Variants in ALK observed in about 807,000 individuals in gnomAD.
ALK encodes ALK tyrosine kinase receptor.
A neutral mutation model predicts 163.1 loss-of-function variants in ALK; 74 were observed. The observed-to-expected ratio is 0.45, with a 90% CI of 0.38 to 0.55. The LOEUF (loss-of-function observed/expected upper bound fraction) is 0.55. ALK is among the 20% of genes least tolerant of loss of function. ALK has a pLI of 0.00. For synonymous variants in ALK, 960 were observed against 843.2 expected (o/e 1.14, Z -2.40); for missense variants, 2,063 against 2,105.3 (o/e 0.98, Z 0.39).
At chr2:29,225,380 G>T (rs2148176092) in intron 19 of ALK, 81 bp downstream of exon 19, 1 of 1,259,408 alleles carries the variant, frequency 7.9e-7, no homozygotes, top group Non-Finnish European at 1.1e-6. Context: ...GTGACACCTT[G>T]GCACCTGTGG....
intron 5 of ALK, among the ~76,000 whole-genome samples, chr2:29,354,069 GC>G (rs1359769420): frequency 1.3e-5 from 2 of 152,184 alleles, no homozygotes; most frequent in African/African-American, 2.4e-5. Flanking sequence ...GACTTTTATA[GC>G]TTTTGTATGA....
chr2:29,734,634 T>C (rs1679842558), intron 1 of ALK, among the ~76,000 whole-genome samples: 1 of 151,980 alleles, frequency 6.6e-6, no homozygotes. Flanking sequence ...CTGATCTCTC[T>C]TTCTCCCTCT....
At chr2:29,667,889 C>T (rs1222846639) in intron 3 of ALK, among the ~76,000 whole-genome samples, 1 of 151,988 alleles carries the variant, frequency 6.6e-6, no homozygotes, top group African/African-American at 2.4e-5. Flanking sequence ...ATGTTTGTTA[C>T]ACAACAGCAG....
intron 12 of ALK, among the ~76,000 whole-genome samples, chr2:29,247,507 C>T (rs975392203): frequency 3.3e-5 from 5 of 152,218 alleles, no homozygotes; most frequent in Non-Finnish European, 7.3e-5. Context: ...CCCAAGCCCC[C>T]ATGCCAGCCT....
At chr2:29,247,067 C>T (rs1664695817) in intron 12 of ALK, among the ~76,000 whole-genome samples, 1 of 152,228 alleles carries the variant, frequency 6.6e-6, no homozygotes, top group Non-Finnish European at 1.5e-5. Context: ...ACCCAGGTGC[C>T]CCTCTCCTGG....
chr2:29,890,780 C>T (rs1355961078), intron 1 of ALK: 1 of 152,240 alleles, frequency 6.6e-6, no homozygotes, highest in Non-Finnish European at 1.5e-5. Flanking sequence ...CTAACCGTTC[C>T]CTTGCCTCAA....
chr2:29,232,581 G>T, intron 14 of ALK, 133 bp from the exon 15 acceptor site: 1 of 1,207,070 alleles, frequency 8.3e-7, no homozygotes, highest in Non-Finnish European at 1.2e-6. Context: ...AGTGGTCTGA[G>T]GTGGTTTGCG....
chr2:29,233,128 C>G (rs1291697835), intron 14 of ALK, among the ~76,000 whole-genome samples: 1 of 152,096 alleles, frequency 6.6e-6, no homozygotes, highest in Admixed American at 6.5e-5. Flanking sequence ...TCAGTCTGCT[C>G]ATCTTTATTT....
chr2:29,716,460 C>T (rs1172496022), intron 2 of ALK, among the ~76,000 whole-genome samples: 1 of 152,186 alleles, frequency 6.6e-6, no homozygotes, highest in Non-Finnish European at 1.5e-5. Flanking sequence ...CTTCTCTCCT[C>T]TAAATCTTCT....
chr2:29,780,354 C>A (rs904610261), intron 1 of ALK, among the ~76,000 whole-genome samples: 1 of 152,118 alleles, frequency 6.6e-6, no homozygotes, highest in African/African-American at 2.4e-5. Flanking sequence ...ATAAATTCAC[C>A]CAAGTGAGCT....
At chr2:29,875,089 A>G (rs1465197415) in intron 1 of ALK, among the ~76,000 whole-genome samples, 2 of 152,264 alleles carry the variant, frequency 1.3e-5, no homozygotes, top group Non-Finnish European at 2.9e-5. Flanking sequence ...AATTATTCAC[A>G]ATAGTCAAAA....
chr2:29,465,384 A>T (rs1671185676), intron 4 of ALK, among the ~76,000 whole-genome samples: 1 of 152,110 alleles, frequency 6.6e-6, no homozygotes, highest in Admixed American at 6.5e-5. Flanking sequence ...TTCTATAGGG[A>T]CTTTCACTAT....
At chr2:29,506,714 C>T in intron 4 of ALK, among the ~76,000 whole-genome samples, 1 of 151,558 alleles carries the variant, frequency 6.6e-6, no homozygotes, top group Non-Finnish European at 1.5e-5. Context: ...CCACTGCCCT[C>T]CAGCCTGGGT....
At chr2:29,361,354 C>T (rs1428084952) in intron 5 of ALK, among the ~76,000 whole-genome samples, 1 of 152,192 alleles carries the variant, frequency 6.6e-6, no homozygotes, top group African/African-American at 2.4e-5. Context: ...ATTCCACATT[C>T]CAAGTCCAGA....
rs566816178 is a variant in ALK at position 29,486,005 on chromosome 2, T to G, written c.1154+45910A>C. Among the ~76,000 whole-genome samples the G allele has an allele frequency of 5.9e-5, 9 of 152,304 alleles. No homozygotes were observed. The East Asian group carries it at 1.7e-3, about 29-fold the overall frequency. On this transcript the variant is annotated intron_variant, in intron 4 of 28. Coordinates refer to ENST00000389048, the MANE Select transcript of ALK (RefSeq NM_004304.5). ...CACAGAGGCCAAATTCCTGGCTGTA[T>G]GGACTGCTTCCCGCCCCAGAGCTCA...
chr2:29,288,968 AAATAAAT>A, intron 9 of ALK, among the ~76,000 whole-genome samples: 1 of 133,734 alleles, frequency 7.5e-6, no homozygotes, highest in Admixed American at 7.4e-5. Context: ...ATAAATAAAT[AAATAAAT>A]AAATAAATAA....
In ALK at chr2:29,367,968, C is replaced by T. The variant is rs189311635; in HGVS notation, c.1282+15764G>A. Among the ~76,000 whole-genome samples, 223 of 152,254 alleles carry T rather than the reference C, an allele frequency of 1.5e-3. 1 individual carries two copies. The highest frequency in any genetic ancestry group is 5.0e-3 in the African/African-American group (209 of 41,542). ...ACTCAGCTTTGTGTTTATAGTTTCCCGTGCCGCACCATTTTGACTCACTTT... is the reference window on the plus strand; with the variant it reads ...ACTCAGCTTTGTGTTTATAGTTTCCTGTGCCGCACCATTTTGACTCACTTT... On this transcript the variant is annotated intron_variant, in intron 5 of 28. Coordinates refer to ENST00000389048, the MANE Select transcript of ALK (RefSeq NM_004304.5).
intron 5 of ALK, among the ~76,000 whole-genome samples, chr2:29,361,590 T>C (rs1409182779): frequency 6.6e-6 from 1 of 152,190 alleles, no homozygotes; most frequent in East Asian, 1.9e-4. Context: ...CTATGTAACC[T>C]TGGGTAAGTC....
chr2:29,459,367 G>A (rs1284186553), intron 4 of ALK, among the ~76,000 whole-genome samples: 2 of 152,100 alleles, frequency 1.3e-5, no homozygotes, highest in Non-Finnish European at 2.9e-5. Flanking sequence ...CAGACATGGC[G>A]GACACCAATG....
Sources: allele counts gnomAD v4.1 joint callset (sites outside exome capture counted in the v4.1 genomes callset), GRCh38; gene constraint gnomAD v4.1.1; transcripts MANE v1.5; gene names NCBI Gene and HGNC (gene_info 2026-07-23, HGNC 2026-07-21).